Variants in APOBEC1 observed in about 807,000 individuals in gnomAD.
APOBEC1 encodes C->U-editing enzyme APOBEC-1.
APOBEC1 carries 22 observed loss-of-function variants against 26.3 expected under a neutral mutation model. The ratio of observed to expected loss-of-function variants is 0.84; its 90% confidence interval spans 0.60 to 1.19. The LOEUF is 1.19. APOBEC1 is among the 50% of genes most tolerant of loss of function. The probability of loss-of-function intolerance (pLI) is 0.00; values close to 1 mark genes in which losing one functional copy is unlikely to be tolerated. For missense variants in APOBEC1, 253 were observed against 289.0 expected (o/e 0.88, Z 0.90); for synonymous variants, 77 against 95.3 (o/e 0.81, Z 1.12).
chr12:7,665,752 GACACACAC>G (rs60124402), intron 1 of APOBEC1, 97 bp downstream of exon 1: 45,232 of 770,676 alleles, frequency 0.059, 739 homozygotes, highest in African/African-American at 0.1. Context: ...GAATCAGCAG[GACACACAC>G]ACACACACAC....
At chr12:7,650,943 G>C (rs1269456145) in intron 4 of APOBEC1, 80 bp downstream of exon 4, 1 of 977,340 alleles carries the variant, frequency 1.0e-6, no homozygotes, top group East Asian at 2.4e-5. Context: ...AAGAAGATAT[G>C]AGTCAAATTT....
chr12:7,661,971 G>A (rs1863826049), intron 1 of APOBEC1, among the ~76,000 whole-genome samples: 1 of 152,212 alleles, frequency 6.6e-6, no homozygotes, highest in South Asian at 2.1e-4. Flanking sequence ...CTGGCTGGGT[G>A]CCATAGCTCA....
intron 3 of APOBEC1, among the ~76,000 whole-genome samples, chr12:7,652,077 C>T (rs1863650931): frequency 6.6e-6 from 1 of 152,174 alleles, no homozygotes; most frequent in Non-Finnish European, 1.5e-5. Context: ...CCACCTCGGC[C>T]TCCCAAAGTG....
chr12:7,667,380 T>A (rs1167626356), upstream of APOBEC1, among the ~76,000 whole-genome samples: 1 of 152,106 alleles, frequency 6.6e-6, no homozygotes, highest in Non-Finnish European at 1.5e-5. Context: ...CCCTCTAGTG[T>A]CTCAAATCTA....
chr12:7,656,708 T>G (rs1007031587), intron 1 of APOBEC1, among the ~76,000 whole-genome samples: 30 of 152,298 alleles, frequency 2.0e-4, no homozygotes, highest in Middle Eastern at 3.4e-3. Flanking sequence ...ACCCTAAGAT[T>G]GCCTATTCCA....
intron 1 of APOBEC1, among the ~76,000 whole-genome samples, chr12:7,658,072 G>C (rs1392326121): frequency 6.6e-6 from 1 of 151,828 alleles, no homozygotes; most frequent in Non-Finnish European, 1.5e-5. Flanking sequence ...GTTTTGTTTT[G>C]TTTTGTTTTG....
At position 7,649,437 on chromosome 12, in the gene APOBEC1, A is replaced by T; in HGVS notation, c.*110T>A. The T allele has an allele frequency of 8.4e-7, 1 of 1,195,034 alleles. No individual in the cohort carries two copies. Among genetic ancestry groups the T allele is most frequent in the Non-Finnish European group, 1.2e-6 (1 of 844,218 alleles). 74.0% of individuals were successfully genotyped at this position (1,195,034 alleles called of 1,614,324 possible). On this transcript the variant is annotated 3_prime_UTR_variant, in exon 5 of 5. Transcript: ENST00000229304. ...TACATATTTATTGTTGGTTTAAGCT[A>T]CAGAGTTTTGGGGTACCTTGTGAAC...
intron 1 of APOBEC1, among the ~76,000 whole-genome samples, chr12:7,660,410 A>AAGAAAGAAAGAAAGAAAGAAAGAAAGAG (rs111744018): frequency 1.2e-3 from 99 of 84,184 alleles, no homozygotes; most frequent in Non-Finnish European, 1.5e-3. Context: ...GAAAGAAAGA[A>AAGAAAGAAAGAAAGAAAGAAAGAAAGAG]AGAGAGGGTA....
chr12:7,660,410 A>ACGAAAGAAAGAAAGAAAGAAAG (rs1555094957), intron 1 of APOBEC1, among the ~76,000 whole-genome samples: 1 of 84,270 alleles, frequency 1.2e-5, no homozygotes, highest in African/African-American at 4.6e-5. Flanking sequence ...GAAAGAAAGA[A>ACGAAAGAAAGAAAGAAAGAAAG]AGAGAGGGTA....
intron 4 of APOBEC1, 136 bp from the exon 5 acceptor site, chr12:7,649,832 C>T: frequency 2.5e-6 from 2 of 787,886 alleles, no homozygotes; most frequent in Non-Finnish European, 3.9e-6. Context: ...CAGACAGGGT[C>T]TGGTTCTGGA....
At chr12:7,666,547 G>A (rs59341376), upstream of APOBEC1, among the ~76,000 whole-genome samples, 18,416 of 151,726 alleles carry the variant, frequency 0.12, 1,203 homozygotes, top group Middle Eastern at 0.18. Context: ...CACCCGCCTC[G>A]TCCTCCCAAA....
intron 1 of APOBEC1, among the ~76,000 whole-genome samples, chr12:7,663,155 G>A (rs9651863): frequency 0.47 from 71,861 of 151,862 alleles, 17,173 homozygotes; most frequent in South Asian, 0.57. Context: ...TTTTTGAACA[G>A]AGAAGAGTCA....
chr12:7,660,604 G>C (rs907563618), intron 1 of APOBEC1, among the ~76,000 whole-genome samples: 1 of 149,872 alleles, frequency 6.7e-6, no homozygotes, highest in Non-Finnish European at 1.5e-5. Context: ...TCAGGAGGCC[G>C]AGGCACAAGA....
At position 7,649,693 on chromosome 12, in the gene APOBEC1, G is replaced by A. The variant is rs1386580967; in HGVS notation, c.565C>T (p.Leu189Phe). ...CTTGAAATCTTTAAACAGGGTGGAA[G>A]ACTCTGGAATAAAAAAGGATTATAT... ...ALELHCIILS[L>F]PPCLKISRRW... is the part of the protein sequence containing the mutation. Residue 189 changes from leucine (L) to phenylalanine (F), a missense_variant, in exon 5 of 5, where the codon CTT (leucine) becomes TTT (phenylalanine). Transcript: ENST00000229304. The A allele has an allele frequency of 1.2e-6, 2 of 1,607,012 alleles. No homozygotes were observed. The highest frequency in any genetic ancestry group is 1.7e-6 in the Non-Finnish European group (2 of 1,173,766).
chr12:7,661,037 C>CAAAAAAAAA (rs764452957), intron 1 of APOBEC1, among the ~76,000 whole-genome samples: 1 of 91,040 alleles, frequency 1.1e-5, no homozygotes, highest in East Asian at 3.3e-4. Context: ...ACTAAAAATA[C>CAAAAAAAAA]AAAAAAAAAA....
chr12:7,659,744 C>T (rs1863776984), intron 1 of APOBEC1, among the ~76,000 whole-genome samples: 6 of 151,694 alleles, frequency 4.0e-5, no homozygotes, highest in South Asian at 4.2e-4. Context: ...CCGAGGTGGG[C>T]GGATCATGAG....
chr12:7,654,606 T>C lies in APOBEC1; in HGVS notation c.43A>G (p.Arg15Gly). The change falls in exon 2 of 5, where the codon AGG becomes GGG. Residue 15 changes from arginine (R) to glycine (G), a missense_variant and splice_region_variant. Arg to Gly is a moderately radical substitution (Grantham distance 125). Transcript: ENST00000229304. ...GCACTGTGATAGTGTTATTCTTACC[T>C]CAGAGTGGGGTCACCGGTTGAAGGA... is the stretch of plus-strand genomic sequence containing the variant. The part of the protein sequence containing the change: ...KGPSTGDPTL[R>G]RRIEPWEFDV... The C allele has an allele frequency of 1.9e-6, 3 of 1,613,886 alleles. No individual in the cohort carries two copies. The highest frequency in any genetic ancestry group is 2.5e-6 in the Non-Finnish European group (3 of 1,179,804).
At chr12:7,654,434 C>T (rs1863686862) in intron 2 of APOBEC1, among the ~76,000 whole-genome samples, 171 bp downstream of exon 2, 1 of 144,820 alleles carries the variant, frequency 6.9e-6, no homozygotes, top group Non-Finnish European at 1.5e-5. Flanking sequence ...TGCAGTGGTG[C>T]AATCATAGCT....
chr12:7,660,670 T>A (rs1350959975), intron 1 of APOBEC1, among the ~76,000 whole-genome samples: 7 of 130,986 alleles, frequency 5.3e-5, no homozygotes, highest in Admixed American at 3.5e-4. Flanking sequence ...GCCACTGCAC[T>A]CCACCCTTGG....
Sources: allele counts gnomAD v4.1 joint callset (sites outside exome capture counted in the v4.1 genomes callset), GRCh38; gene constraint gnomAD v4.1.1; transcripts MANE v1.5; gene names NCBI Gene and HGNC (gene_info 2026-07-23, HGNC 2026-07-21).